Variants in ZNF536 observed in about 807,000 individuals in gnomAD.
The protein encoded by ZNF536 is zinc finger protein 536.
In ZNF536, 13 loss-of-function variants were observed where a neutral mutation model predicts 84.5. The observed-to-expected ratio is 0.15, with a 90% CI of 0.10 to 0.24. The LOEUF (loss-of-function observed/expected upper bound fraction) is 0.24. ZNF536 is among the 10% of genes least tolerant of loss of function. The pLI, the probability that ZNF536 is intolerant of heterozygous loss-of-function variation, is 1.00. For synonymous variants in ZNF536, 811 were observed against 742.5 expected, an observed-to-expected ratio of 1.09 and a Z score of -1.50; for missense variants, 1,536 against 1,747.5, an observed-to-expected ratio of 0.88 and a Z score of 2.16.
chr19:30,330,660 C>G (rs2047182398), intron 2 of ZNF536, among the ~76,000 whole-genome samples: 1 of 152,178 alleles, frequency 6.6e-6, no homozygotes, highest in African/African-American at 2.4e-5. Context: ...AGCTGGTGGT[C>G]TGGCTTCACT....
At chr19:30,377,929 G>T (rs2048878867) in intron 1 of ZNF536, among the ~76,000 whole-genome samples, 1 of 152,126 alleles carries the variant, frequency 6.6e-6, no homozygotes, top group Non-Finnish European at 1.5e-5. Flanking sequence ...ACAGTTGGGT[G>T]GATTCTTTGT....
chr19:30,393,627 A>G (rs1328432656), intron 1 of ZNF536, among the ~76,000 whole-genome samples: 3 of 152,158 alleles, frequency 2.0e-5, no homozygotes, highest in Non-Finnish European at 4.4e-5. Flanking sequence ...GGTTACATGG[A>G]AACATCTCAG....
rs2045644205 is a variant in ZNF536 at position 30,548,514 on chromosome 19, G to A, written c.2895G>A (p.Gln965=). ...GEEKPSGKSS[Q]RKSEKSQYEP... The stretch of plus-strand genomic sequence containing the variant: ...AGAAACCCAGTGGCAAGTCCTCCCA[G>A]AGGAAGTCCGAGAAATCTCAGTATG... The change falls in exon 4 of 5, where the codon CAG becomes CAA. Residue 965 remains glutamine (Q), a synonymous_variant. Coordinates refer to ENST00000355537, the MANE Select transcript of ZNF536 (RefSeq NM_014717.3). 2 of 1,614,162 alleles carry A rather than the reference G, an allele frequency of 1.2e-6. No individual in the cohort carries two copies. Among genetic ancestry groups the A allele is most frequent in the East Asian group, 2.2e-5 (1 of 44,870 alleles).
At chr19:30,591,427 T>C (rs1288767246) in intron 1 of ZNF536, among the ~76,000 whole-genome samples, 2 of 152,208 alleles carry the variant, frequency 1.3e-5, no homozygotes, top group African/African-American at 4.8e-5. Flanking sequence ...CAAAGGCATG[T>C]CTTCCATGGC....
At chr19:30,707,479 CCTT>C (rs1254377368) in intron 1 of ZNF536, among the ~76,000 whole-genome samples, 29 of 152,264 alleles carry the variant, frequency 1.9e-4, no homozygotes, top group African/African-American at 6.7e-4. Flanking sequence ...CCTGGGGACT[CCTT>C]CTCTTACCTG....
chr19:30,674,451 A>C (rs2050680822), intron 1 of ZNF536, among the ~76,000 whole-genome samples: 1 of 152,160 alleles, frequency 6.6e-6, no homozygotes, highest in Non-Finnish European at 1.5e-5. Flanking sequence ...ATTTCTCAGG[A>C]AGCAGAGCCA....
At chr19:30,536,526 C>A (rs1599728112) in intron 3 of ZNF536, among the ~76,000 whole-genome samples, 1 of 152,298 alleles carries the variant, frequency 6.6e-6, no homozygotes, top group East Asian at 1.9e-4. Context: ...TTTTGAATTG[C>A]TGTCATTTCT....
intron 2 of ZNF536, among the ~76,000 whole-genome samples, chr19:30,326,794 T>TTTTTTTTTG (rs2047044396): frequency 8.7e-6 from 1 of 115,290 alleles, no homozygotes; most frequent in Non-Finnish European, 1.7e-5. Flanking sequence ...TAAAAAGCTT[T>TTTTTTTTTG]TTTTTTTTTT....
intron 1 of ZNF536, among the ~76,000 whole-genome samples, chr19:30,583,632 AG>A (rs1486158551): frequency 6.6e-6 from 1 of 152,170 alleles, no homozygotes; most frequent in East Asian, 1.9e-4. Context: ...GAGTGTCAGT[AG>A]GAACAGAAAG....
chr19:30,702,685 T>C (rs1007637167), intron 1 of ZNF536, among the ~76,000 whole-genome samples: 1 of 152,164 alleles, frequency 6.6e-6, no homozygotes, highest in Non-Finnish European at 1.5e-5. Context: ...GACCTGCTCC[T>C]AGGATGCTGC....
intron 1 of ZNF536, among the ~76,000 whole-genome samples, chr19:30,435,267 T>C (rs2051682017): frequency 6.6e-6 from 1 of 151,312 alleles, no homozygotes; most frequent in Non-Finnish European, 1.5e-5. Flanking sequence ...GTAATGATGG[T>C]GATGATGACG....
At chr19:30,431,047 A>G (rs1011245276) in intron 1 of ZNF536, among the ~76,000 whole-genome samples, 1 of 152,150 alleles carries the variant, frequency 6.6e-6, no homozygotes, top group African/African-American at 2.4e-5. Flanking sequence ...TTCTCAAGTC[A>G]CACTTTACTC....
At chr19:30,607,011 C>A (rs1337952920) in intron 1 of ZNF536, among the ~76,000 whole-genome samples, 1 of 152,170 alleles carries the variant, frequency 6.6e-6, no homozygotes, top group African/African-American at 2.4e-5. Flanking sequence ...CTCACGACCC[C>A]AGGCCATGCC....
chr19:30,267,830 C>T (rs893655384), intron 1 of ZNF536, among the ~76,000 whole-genome samples: 3 of 152,052 alleles, frequency 2.0e-5, no homozygotes, highest in African/African-American at 4.8e-5. Flanking sequence ...TTGCGAGTCT[C>T]GCTTTCTTTT....
At chr19:30,700,921 C>T (rs2051918540) in intron 1 of ZNF536, among the ~76,000 whole-genome samples, 1 of 152,120 alleles carries the variant, frequency 6.6e-6, no homozygotes, top group Non-Finnish European at 1.5e-5. Context: ...TATAGGGAGC[C>T]CCTCTGGGTG....
intron 1 of ZNF536, among the ~76,000 whole-genome samples, chr19:30,677,558 A>C (rs1345473438): frequency 1.3e-5 from 2 of 152,226 alleles, no homozygotes; most frequent in Non-Finnish European, 2.9e-5. Context: ...TCAGGCCCAG[A>C]GCAAAATGTC....
At chr19:30,484,438 A>G (rs1385008865) in intron 2 of ZNF536, among the ~76,000 whole-genome samples, 3 of 132,262 alleles carry the variant, frequency 2.3e-5, no homozygotes, top group African/African-American at 8.9e-5. Flanking sequence ...GGGTTTCACC[A>G]TGTTGGCCAG....
intron 2 of ZNF536, among the ~76,000 whole-genome samples, chr19:30,492,092 G>T (rs927528510): frequency 6.6e-6 from 1 of 151,420 alleles, no homozygotes; most frequent in Non-Finnish European, 1.5e-5. Context: ...TGTATTTTGG[G>T]TGAGGGTGGG....
chr19:30,516,311 A>T (rs907514463), intron 2 of ZNF536, among the ~76,000 whole-genome samples: 4 of 152,182 alleles, frequency 2.6e-5, no homozygotes, highest in Non-Finnish European at 5.9e-5. Context: ...CCCTGCACGG[A>T]CCAGCCGGCC....
Sources: gnomAD v4.1 joint callset for allele counts (sites outside exome capture counted in the v4.1 genomes callset) on GRCh38, gnomAD v4.1.1 for gene constraint, MANE v1.5 for transcripts, NCBI Gene and HGNC (gene_info 2026-07-23, HGNC 2026-07-21) for gene names.